The following POLA1 variants were observed in gnomAD, a reference collection of about 807,000 sequenced individuals.
The protein encoded by POLA1 is DNA polymerase alpha catalytic subunit.
In POLA1, 15 loss-of-function variants were observed where a neutral mutation model predicts 124.0. The observed-to-expected ratio is 0.12, with a 90% CI of 0.08 to 0.19. The LOEUF (loss-of-function observed/expected upper bound fraction) is 0.19, where lower values mean the gene tolerates loss of function less well. POLA1 is among the 10% of genes least tolerant of loss of function. The pLI, the probability that POLA1 is intolerant of heterozygous loss-of-function variation, is 1.00. For synonymous variants in POLA1, 408 were observed against 389.4 expected (o/e 1.05, Z -0.56); for missense variants, 886 against 1,103.4 (o/e 0.80, Z 2.79).
intron 35 of POLA1, among the ~76,000 whole-genome samples, chrX:24,912,189 A>G (rs909879868): frequency 8.9e-6 from 1 of 112,513 alleles, no homozygotes; most frequent in Non-Finnish European, 1.9e-5. Context: ...ATGAACCTTG[A>G]CCTAAAGCTC....
intron 4 of POLA1, among the ~76,000 whole-genome samples, chrX:24,711,283 C>T (rs1421735929): frequency 8.9e-6 from 1 of 112,640 alleles, no homozygotes; most frequent in Non-Finnish European, 1.9e-5. Flanking sequence ...GGTGCCCGGC[C>T]CCTTTTCTTT....
chrX:24,711,057 A>G (rs1283913359), intron 4 of POLA1, among the ~76,000 whole-genome samples: 1 of 111,578 alleles, frequency 9.0e-6, no homozygotes, highest in East Asian at 2.8e-4. Context: ...ATTTGGGCTC[A>G]CTGCAACCTC....
intron 31 of POLA1, among the ~76,000 whole-genome samples, chrX:24,822,385 TAA>T (rs1490011837): frequency 8.9e-6 from 1 of 112,610 alleles, no homozygotes; most frequent in Non-Finnish European, 1.9e-5. Flanking sequence ...TTAAAGAAAT[TAA>T]GTTTTATCCT....
intron 34 of POLA1, among the ~76,000 whole-genome samples, chrX:24,882,420 T>C (rs779794858): frequency 1.1e-4 from 12 of 111,082 alleles, no homozygotes; most frequent in Non-Finnish European, 2.3e-4. Context: ...CAAATAATCC[T>C]GTCACCCAGG....
intron 34 of POLA1, among the ~76,000 whole-genome samples, chrX:24,860,111 A>G (rs2046697974): frequency 8.9e-6 from 1 of 112,518 alleles, no homozygotes. Context: ...CTTAGCACCA[A>G]GGCTGATTTT....
intron 34 of POLA1, among the ~76,000 whole-genome samples, chrX:24,878,948 C>T (rs1022177568): frequency 2.0e-4 from 22 of 111,261 alleles, no homozygotes; most frequent in African/African-American, 7.2e-4. Context: ...GAACAATATA[C>T]ACTTGTTGTA....
chrX:24,841,660 C>T lies in POLA1; in HGVS notation c.3745C>T (p.Pro1249Ser). 1 of 1,160,492 alleles carries T rather than the reference C, an allele frequency of 8.6e-7. No homozygotes were observed. The highest frequency in any genetic ancestry group is 1.2e-6 in the Non-Finnish European group (1 of 865,363). The change falls in exon 33 of 37, where the codon CCC becomes TCC. Residue 1249 changes from proline to serine, a missense_variant. This residue lies in a region of POLA1 where 313 missense variants were observed against 359.7 expected (regional missense o/e 0.87). Transcript: ENST00000379068. ...VLIATWLGLD[P>S]TQFRVHHYHK... ...TTCTTTTACATTAATAGGACTTGAC[C>T]CCACCCAATTTAGAGTTCATCATTA...
intron 1 of POLA1, among the ~76,000 whole-genome samples, chrX:24,695,636 C>A (rs975349377): frequency 1.8e-5 from 2 of 110,861 alleles, no homozygotes; most frequent in African/African-American, 6.6e-5. Flanking sequence ...CACCACCACA[C>A]CGGCTAATTT....
intron 26 of POLA1, among the ~76,000 whole-genome samples, chrX:24,763,682 G>A (rs1331578313): frequency 9.0e-6 from 1 of 111,108 alleles, no homozygotes; most frequent in Non-Finnish European, 1.9e-5. Flanking sequence ...AAAACATGGT[G>A]TTGTGAAACC....
chrX:24,728,762 T>G (rs765989295), intron 15 of POLA1, among the ~76,000 whole-genome samples: 21 of 112,168 alleles, frequency 1.9e-4, no homozygotes, highest in Non-Finnish European at 3.8e-4. Context: ...AAGTCAAATT[T>G]CACTGGAAGA....
At chrX:24,954,319 T>G (rs909414420) in intron 36 of POLA1, among the ~76,000 whole-genome samples, 3 of 112,437 alleles carry the variant, frequency 2.7e-5, no homozygotes, top group Non-Finnish European at 5.6e-5. Flanking sequence ...CTTCTGGTGG[T>G]GGTGGAAAAT....
intron 36 of POLA1, among the ~76,000 whole-genome samples, chrX:24,932,615 C>T (rs1286667040): frequency 9.0e-6 from 1 of 111,328 alleles, no homozygotes. Flanking sequence ...CCCAGCAATT[C>T]GGGGCAAAAA....
At position 24,801,924 on chromosome X, in the gene POLA1, G is replaced by GTGTGTGTGTGTGTGTGT. The variant is rs2045713434; in HGVS notation, c.2965-7974_2965-7973insTGTGTGTGTGTGTGTGT. 1.5e-3 allele frequency among the ~76,000 whole-genome samples: 114 copies of GTGTGTGTGTGTGTGTGT among 74,543 alleles called. 1 individual carries two copies. The highest frequency in any genetic ancestry group is 4.8e-3 in the East Asian group (10 of 2,100). 64.7% of individuals were successfully genotyped at this position (74,543 alleles called of 115,157 possible). A position where few individuals can be genotyped will look rare whatever the true frequency, so the allele number is the denominator to read the frequency against. On this transcript the variant is annotated intron_variant, in intron 26 of 36. Coordinates refer to ENST00000379068, the MANE Select transcript of POLA1 (RefSeq NM_001330360.2). ...ACAGAGCCACTAGGAGAGGTGGGTGGGTGTGTGTGTGTGTGTGTGTGTGTG... is the reference window on the plus strand; with the variant it reads ...ACAGAGCCACTAGGAGAGGTGGGTGGTGTGTGTGTGTGTGTGTGTGTGTGTGTGTGTGTGTGTGTGTG...
At position 24,812,750 on chromosome X, in the gene POLA1, C is replaced by T. The variant is rs61751428; in HGVS notation, c.3183C>T (p.Tyr1061=). Residue 1061 remains tyrosine (Y), a synonymous_variant, in exon 29 of 37, where the codon TAC becomes TAT. Coordinates refer to ENST00000379068, the MANE Select transcript of POLA1 (RefSeq NM_001330360.2). ...TGCTACTGCTGAAAAAAAAGAAGTA[C>T]GCTGCTCTGGTTGTTGAGCCAACGT... The part of the protein sequence containing the change: ...KSLLLLKKKK[Y]AALVVEPTSD... 9.7e-4 allele frequency: 1,166 copies of T among 1,196,748 alleles called. 1 individual carries two copies. Among genetic ancestry groups the T allele is most frequent in the Non-Finnish European group, 1.2e-3 (1,096 of 883,576 alleles).
chrX:24,907,098 C>T (rs905912784), intron 35 of POLA1, among the ~76,000 whole-genome samples: 4 of 111,071 alleles, frequency 3.6e-5, no homozygotes, highest in Non-Finnish European at 7.5e-5. Context: ...GGCTGAGACA[C>T]GAGAATCATT....
In POLA1 at chrX:24,747,042, A is replaced by G. The variant is rs774002640; in HGVS notation, c.2692-1269A>G. Among the ~76,000 whole-genome samples, 8 of 111,757 alleles carry G rather than the reference A, an allele frequency of 7.2e-5. No homozygotes were observed. In the South Asian group the frequency reaches 1.9e-3, roughly 26 times the overall value. ...CTGGTTGCTTTTCTGAAATGTTGCT[A>G]TTCTTCTGCCGATTGCATAGCAATT... On this transcript the variant is annotated intron_variant, in intron 24 of 36. Transcript: ENST00000379068.
At chrX:24,896,627 G>GTATC (rs1165979399) in intron 35 of POLA1, among the ~76,000 whole-genome samples, 1 of 111,571 alleles carries the variant, frequency 9.0e-6, no homozygotes, top group Non-Finnish European at 1.9e-5. Flanking sequence ...GACATTGAGG[G>GTATC]TATCTAGCAC....
chrX:24,803,212 A>G (rs751742588), intron 26 of POLA1, among the ~76,000 whole-genome samples: 27 of 110,877 alleles, frequency 2.4e-4, no homozygotes, highest in Non-Finnish European at 3.0e-4. Flanking sequence ...CTGATTCTCA[A>G]CCGGTGCAGT....
At chrX:24,833,562 A>AT (rs924442308) in intron 32 of POLA1, among the ~76,000 whole-genome samples, 9 of 109,277 alleles carry the variant, frequency 8.2e-5, no homozygotes, top group South Asian at 4.0e-4. Context: ...ACCAACATCT[A>AT]TTTTTTTTTA....
Sources: allele counts gnomAD v4.1 joint callset (sites outside exome capture counted in the v4.1 genomes callset), GRCh38; gene constraint gnomAD v4.1.1; regional missense constraint gnomAD v4.1.1; transcripts MANE v1.5; gene names NCBI Gene and HGNC (gene_info 2026-07-23, HGNC 2026-07-21).